ARHGAP15: variants seen among roughly 807,000 people sequenced by gnomAD.
ARHGAP15 encodes rho GTPase-activating protein 15.
Under a neutral mutation model 63.7 loss-of-function variants are expected in ARHGAP15, and 51 were observed. That is an observed-to-expected ratio of 0.80 (90% CI 0.64 to 1.01). The LOEUF (loss-of-function observed/expected upper bound fraction) is 1.01. Among genes scored for constraint, ARHGAP15 ranks in the 50% least tolerant of loss-of-function variants. The pLI, the probability that ARHGAP15 is intolerant of heterozygous loss-of-function variation, is 0.00. For missense variants in ARHGAP15, 560 were observed against 564.6 expected (o/e 0.99, Z 0.08); for synonymous variants, 191 against 193.8 (o/e 0.99, Z 0.12).
chr2:143,310,116 C>T (rs566484429), intron 6 of ARHGAP15, among the ~76,000 whole-genome samples: 2 of 152,102 alleles, frequency 1.3e-5, no homozygotes, highest in East Asian at 3.9e-4. Flanking sequence ...TAATGTACTT[C>T]ATTGCATTGC....
chr2:143,752,007 A>G (rs181897452), intron 13 of ARHGAP15, among the ~76,000 whole-genome samples: 2 of 152,338 alleles, frequency 1.3e-5, no homozygotes, highest in Admixed American at 6.5e-5. Flanking sequence ...AATGATATAC[A>G]GAGAATAGCA....
chr2:143,340,347 T>G (rs936152425), intron 6 of ARHGAP15, among the ~76,000 whole-genome samples: 1 of 152,104 alleles, frequency 6.6e-6, no homozygotes, highest in Admixed American at 6.6e-5. Flanking sequence ...TTTTATGGGA[T>G]AGTGTTGAGA....
intron 12 of ARHGAP15, among the ~76,000 whole-genome samples, chr2:143,635,393 C>A (rs1680261950): frequency 6.6e-6 from 1 of 151,742 alleles, no homozygotes; most frequent in Non-Finnish European, 1.5e-5. Context: ...AAGAATGGAT[C>A]CTTTACCCAG....
chr2:143,729,025 G>A (rs529807633), intron 13 of ARHGAP15, among the ~76,000 whole-genome samples: 27 of 152,314 alleles, frequency 1.8e-4, no homozygotes, highest in Non-Finnish European at 2.8e-4. Flanking sequence ...TTTCCTCCGC[G>A]ATGTACCAGT....
At chr2:143,604,921 T>C (rs143481227) in intron 11 of ARHGAP15, among the ~76,000 whole-genome samples, 1,607 of 152,282 alleles carry the variant, frequency 0.011, 28 homozygotes, top group African/African-American at 0.037. Flanking sequence ...TTTTTGTTTT[T>C]GTTTTTTGAG....
intron 8 of ARHGAP15, among the ~76,000 whole-genome samples, chr2:143,467,242 C>CTTTTTTTTTTTTTT (rs202115707): frequency 5.5e-4 from 32 of 57,888 alleles, no homozygotes; most frequent in African/African-American, 6.8e-4. Flanking sequence ...ACTCCATGGC[C>CTTTTTTTTTTTTTT]TTTTTTTTTT....
chr2:143,685,620 C>G (rs928547638), intron 12 of ARHGAP15, among the ~76,000 whole-genome samples: 3 of 152,130 alleles, frequency 2.0e-5, no homozygotes, highest in Non-Finnish European at 2.9e-5. Context: ...GGATACAGAG[C>G]GCTTGACAGG....
intron 8 of ARHGAP15, among the ~76,000 whole-genome samples, chr2:143,464,627 C>G (rs1359906995): frequency 6.6e-6 from 1 of 152,124 alleles, no homozygotes; most frequent in Admixed American, 6.5e-5. Flanking sequence ...AGACAAACTT[C>G]TGTTGCAGTG....
In ARHGAP15 at chr2:143,390,146, A is replaced by G. The variant is rs907622477; in HGVS notation, c.475-45455A>G. Among the ~76,000 whole-genome samples, 7 of 152,130 alleles carry G rather than the reference A, an allele frequency of 4.6e-5. No individual in the cohort carries two copies. In the East Asian group the frequency reaches 1.3e-3, roughly 29 times the overall value. On this transcript the variant is annotated intron_variant, in intron 6 of 13. Transcript: ENST00000295095. ...GAGATATGAGACTATATCTGACACC[A>G]TCAGGCATATTATATTAAAATTTAT...
intron 9 of ARHGAP15, among the ~76,000 whole-genome samples, chr2:143,496,949 A>G (rs1048797602): frequency 6.6e-6 from 1 of 152,212 alleles, no homozygotes. Flanking sequence ...AAGATTGCCC[A>G]GAATTCTGGC....
At chr2:143,332,576 C>T (rs113054143) in intron 6 of ARHGAP15, among the ~76,000 whole-genome samples, 27 of 152,106 alleles carry the variant, frequency 1.8e-4, no homozygotes, top group African/African-American at 4.8e-4. Context: ...TTTTTCTTCA[C>T]GGCTTTTCTA....
intron 8 of ARHGAP15, among the ~76,000 whole-genome samples, chr2:143,441,242 C>T (rs1025408174): frequency 1.2e-4 from 18 of 151,964 alleles, no homozygotes; most frequent in Admixed American, 1.2e-3. Context: ...AAAAGGGTAC[C>T]AGAATTGGAT....
chr2:143,685,529 C>T (rs1427580469), intron 12 of ARHGAP15, among the ~76,000 whole-genome samples: 1 of 152,180 alleles, frequency 6.6e-6, no homozygotes, highest in Non-Finnish European at 1.5e-5. Context: ...ATTCACAAAC[C>T]TGGCATTCAT....
chr2:143,534,299 T>C (rs1012461645), intron 10 of ARHGAP15, among the ~76,000 whole-genome samples: 2 of 152,180 alleles, frequency 1.3e-5, no homozygotes, highest in Admixed American at 6.5e-5. Flanking sequence ...TTCCGAGGCC[T>C]CTCCAGCCAT....
intron 11 of ARHGAP15, among the ~76,000 whole-genome samples, chr2:143,589,077 GA>G (rs1382959663): frequency 1.3e-5 from 2 of 152,080 alleles, no homozygotes; most frequent in Non-Finnish European, 2.9e-5. Flanking sequence ...TACTCCCTCA[GA>G]AAACTTGCAG....
chr2:143,396,940 G>A (rs545273425), intron 6 of ARHGAP15, among the ~76,000 whole-genome samples: 6 of 152,218 alleles, frequency 3.9e-5, no homozygotes, highest in African/African-American at 1.2e-4. Flanking sequence ...AGGCGATGAG[G>A]TATAGTGAGG....
chr2:143,290,045 G>A (rs1476885374), intron 6 of ARHGAP15, among the ~76,000 whole-genome samples: 1 of 151,954 alleles, frequency 6.6e-6, no homozygotes, highest in Non-Finnish European at 1.5e-5. Context: ...GAGTTTACAA[G>A]CAATTTGAAT....
At chr2:143,705,078 T>C (rs1044553319) in intron 13 of ARHGAP15, among the ~76,000 whole-genome samples, 3 of 152,198 alleles carry the variant, frequency 2.0e-5, no homozygotes, top group African/African-American at 7.2e-5. Context: ...TTGTAACTCA[T>C]ATACAGACTT....
At chr2:143,377,136 A>G (rs1233730787) in intron 6 of ARHGAP15, among the ~76,000 whole-genome samples, 1 of 152,086 alleles carries the variant, frequency 6.6e-6, no homozygotes, top group Non-Finnish European at 1.5e-5. Flanking sequence ...AATAAAATGT[A>G]TCTTAAAACA....
Sources: gnomAD v4.1 joint callset for allele counts (sites outside exome capture counted in the v4.1 genomes callset) on GRCh38, gnomAD v4.1.1 for gene constraint, MANE v1.5 for transcripts, NCBI Gene and HGNC (gene_info 2026-07-23, HGNC 2026-07-21) for gene names.